CPNE1: variants seen among roughly 807,000 people sequenced by gnomAD.
The protein encoded by CPNE1 is copine-1.
Under a neutral mutation model 63.2 loss-of-function variants are expected in CPNE1, and 58 were observed. That is an observed-to-expected ratio of 0.92 (90% CI 0.74 to 1.14). The LOEUF (loss-of-function observed/expected upper bound fraction) is 1.14, where lower values mean the gene tolerates loss of function less well. Among genes scored for constraint, CPNE1 ranks in the 50% most tolerant of loss-of-function variants. CPNE1 has a pLI of 0.00. For synonymous variants in CPNE1, 237 were observed against 249.0 expected (o/e 0.95, Z 0.45); for missense variants, 672 against 661.7 (o/e 1.02, Z -0.17).
rs147762472 is a variant in CPNE1 at position 35,627,281 on chromosome 20, G to A, written c.1235C>T (p.Ser412Leu). 7.5e-6 allele frequency: 12 copies of A among 1,599,110 alleles called. No homozygotes were observed. The highest frequency in any genetic ancestry group is 3.4e-5 in the Admixed American group (2 of 59,338). Reference sequence around the variant, plus strand: ...GCCACTGCCACCCACGACTCTCACCGAGGCAGTCCCCTGATGTGCAGCCTG... The same window carrying A: ...GCCACTGCCACCCACGACTCTCACCAAGGCAGTCCCCTGATGTGCAGCCTG... ...AAQAAHQGTASQYFMLLLLTD... is the reference protein window; with the variant it reads ...AAQAAHQGTALQYFMLLLLTD... The change falls in exon 14 of 16, where the codon TCG becomes TTG. Residue 412 changes from serine (S) to leucine (L), a missense_variant and splice_region_variant. Coordinates refer to ENST00000397443, the MANE Select transcript of CPNE1 (RefSeq NM_152925.3).
intron 1 of CPNE1, among the ~76,000 whole-genome samples, chr20:35,644,872 G>A (rs1194777686): frequency 6.6e-6 from 1 of 152,122 alleles, no homozygotes; most frequent in Non-Finnish European, 1.5e-5. Context: ...GTTGATCAAA[G>A]GAATAAATTT....
At chr20:35,635,359 C>G (rs543121581) in intron 1 of CPNE1, among the ~76,000 whole-genome samples, 1 of 152,148 alleles carries the variant, frequency 6.6e-6, no homozygotes, top group East Asian at 1.9e-4. Context: ...GTTTATTGCT[C>G]TATCCCAAGC....
chr20:35,655,343 A>G (rs1359466883), intron 1 of CPNE1: 1 of 1,588,776 alleles, frequency 6.3e-7, no homozygotes, highest in Non-Finnish European at 8.5e-7. Context: ...AACCACACAC[A>G]CCTGCAGATG....
At chr20:35,644,399 G>A (rs2032995867) in intron 1 of CPNE1, among the ~76,000 whole-genome samples, 1 of 152,136 alleles carries the variant, frequency 6.6e-6, no homozygotes. Context: ...CCACACTAGG[G>A]AAACCAGGAG....
chr20:35,653,452 A>T, intron 1 of CPNE1: 1 of 1,614,074 alleles, frequency 6.2e-7, no homozygotes, highest in South Asian at 1.1e-5. Context: ...AATCTCTCTC[A>T]TATCTTCTAG....
chr20:35,654,877 G>A, intron 1 of CPNE1: 1 of 1,614,158 alleles, frequency 6.2e-7, no homozygotes, highest in Non-Finnish European at 8.5e-7. Context: ...TGTGGAAAAT[G>A]TCTGTATGTT....
At chr20:35,626,433 C>T in intron 15 of CPNE1, 52 bp from the exon 16 acceptor site, 1 of 1,607,928 alleles carries the variant, frequency 6.2e-7, no homozygotes, top group South Asian at 1.1e-5. Flanking sequence ...TGCCCAAAGT[C>T]TGTATTTCAT....
At chr20:35,652,293 C>A in intron 1 of CPNE1, 1 of 458,662 alleles carries the variant, frequency 2.2e-6, no homozygotes, top group Non-Finnish European at 3.8e-6. Flanking sequence ...TAATGGTATG[C>A]CAAAATCATT....
chr20:35,630,845 T>G (rs1194009195), intron 11 of CPNE1, 50 bp from the exon 12 acceptor site: 1 of 1,604,788 alleles, frequency 6.2e-7, no homozygotes, highest in East Asian at 2.2e-5. Context: ...GACTGTAAGC[T>G]CAGAGGCTGA....
chr20:35,640,489 ACT>A (rs2032740399), intron 1 of CPNE1, among the ~76,000 whole-genome samples: 1 of 151,958 alleles, frequency 6.6e-6, no homozygotes. Flanking sequence ...ATATTTGTGC[ACT>A]CTTTCATCAC....
intron 1 of CPNE1, among the ~76,000 whole-genome samples, chr20:35,646,637 T>C (rs2033120044): frequency 6.6e-6 from 1 of 152,064 alleles, no homozygotes; most frequent in Non-Finnish European, 1.5e-5. Flanking sequence ...AAGTCCTGGT[T>C]ACGAGCAGGT....
Position 35,630,947 on chromosome 20 carries a change from G to C in CPNE1, c.949C>G (p.Leu317Val), listed in dbSNP as rs1341925537. Residue 317 changes from leucine (L) to valine (V), a missense_variant, in exon 11 of 16, where the codon CTG (leucine) becomes GTG (valine). Transcript: ENST00000397443. ...YLSPTGVNEY[L>V]MALWSVGSVV... is the part of the protein sequence containing the mutation. ...CTGCCCACACTCCACAGTGCCATCA[G>C]GTACTCATTGACCCCTGTTGGACTC... The C allele has an allele frequency of 6.2e-7, 1 of 1,613,876 alleles. No homozygotes were observed. The highest frequency in any genetic ancestry group is 1.7e-5 in the Admixed American group (1 of 60,012).
intron 1 of CPNE1, among the ~76,000 whole-genome samples, chr20:35,656,603 C>T (rs1008791649): frequency 2.0e-5 from 3 of 152,202 alleles, no homozygotes; most frequent in Non-Finnish European, 4.4e-5. Flanking sequence ...GGCACGATCT[C>T]GGTTCACGGC....
intron 1 of CPNE1, among the ~76,000 whole-genome samples, chr20:35,640,519 G>A (rs943207205): frequency 4.6e-5 from 7 of 151,942 alleles, no homozygotes; most frequent in Non-Finnish European, 8.8e-5. Flanking sequence ...ATCTTGGCTC[G>A]ATGTCTCTAA....
rs1425357622 is a variant in CPNE1, at chr20:35,626,668, T to C, written c.1372A>G (p.Met458Val). The part of the protein sequence containing the change: ...VGVGGADFEA[M>V]EQLDADGGPL... ...CCACCATCAGCGTCCAGCTGCTCCA[T>C]GGCCTCAAAGTCAGCACCACCCACA... The change falls in exon 15 of 16, where the codon ATG (methionine) becomes GTG (valine). Residue 458 changes from methionine (M) to valine (V), a missense_variant. Met to Val is a conservative substitution (Grantham distance 21, BLOSUM62 1). Coordinates refer to ENST00000397443, the MANE Select transcript of CPNE1 (RefSeq NM_152925.3). 7 of 1,614,016 alleles carry C rather than the reference T, an allele frequency of 4.3e-6. No homozygotes were observed. Among genetic ancestry groups the C allele is most frequent in the South Asian group, 1.1e-5 (1 of 91,094 alleles).
intron 1 of CPNE1, chr20:35,653,719 G>A: frequency 1.2e-6 from 2 of 1,614,150 alleles, no homozygotes; most frequent in Non-Finnish European, 1.7e-6. Flanking sequence ...ATCCCCCTCT[G>A]GATTTAGTAT....
intron 1 of CPNE1, among the ~76,000 whole-genome samples, chr20:35,647,933 G>A (rs2033235436): frequency 6.6e-6 from 1 of 151,548 alleles, no homozygotes; most frequent in Admixed American, 6.6e-5. Context: ...GGGCTTGGCG[G>A]CACGCACCTA....
At chr20:35,653,258 CA>C in intron 1 of CPNE1, 1 of 1,613,290 alleles carries the variant, frequency 6.2e-7, no homozygotes, top group Non-Finnish European at 8.5e-7. Context: ...ATTCCCGCAC[CA>C]GGCAGTCCTG....
At chr20:35,646,970 T>C (rs960321456) in intron 1 of CPNE1, among the ~76,000 whole-genome samples, 1 of 152,070 alleles carries the variant, frequency 6.6e-6, no homozygotes, top group African/African-American at 2.4e-5. Context: ...CACTTCTCTA[T>C]ATGACGTTTG....
Sources: allele counts gnomAD v4.1 joint callset (sites outside exome capture counted in the v4.1 genomes callset), GRCh38; gene constraint gnomAD v4.1.1; transcripts MANE v1.5; gene names NCBI Gene and HGNC (gene_info 2026-07-23, HGNC 2026-07-21).